Variants in FRMD3 observed in about 807,000 individuals in gnomAD.
The protein encoded by FRMD3 is FERM domain containing 3.
In FRMD3, 33 loss-of-function variants were observed where a neutral mutation model predicts 70.2. The ratio of observed to expected loss-of-function variants is 0.47; its 90% confidence interval spans 0.36 to 0.63. The LOEUF is 0.63. Among genes scored for constraint, FRMD3 ranks in the 20% least tolerant of loss-of-function variants. The pLI, the probability that FRMD3 is intolerant of heterozygous loss-of-function variation, is 0.00. For synonymous variants in FRMD3, 279 were observed against 255.9 expected (o/e 1.09, Z -0.86); for missense variants, 632 against 711.4 (o/e 0.89, Z 1.27).
intron 5 of FRMD3, among the ~76,000 whole-genome samples, chr9:83,339,235 A>C (rs1823677742): frequency 6.6e-6 from 1 of 152,212 alleles, no homozygotes; most frequent in Admixed American, 6.5e-5. Context: ...TCCCCATCAC[A>C]GGCCCTGCTC....
intron 1 of FRMD3, among the ~76,000 whole-genome samples, chr9:83,395,157 TTAA>T (rs1825777165): frequency 6.6e-6 from 1 of 152,012 alleles, no homozygotes; most frequent in Admixed American, 6.6e-5. Context: ...GATGTCATTA[TTAA>T]TAATATTAAG....
intron 1 of FRMD3, among the ~76,000 whole-genome samples, chr9:83,430,196 G>A (rs181996351): frequency 1.3e-5 from 2 of 152,222 alleles, no homozygotes; most frequent in African/African-American, 4.8e-5. Flanking sequence ...CCCTGCTCCT[G>A]TATCTCTTCC....
Position 83,530,918 on chromosome 9 carries a change from T to G in FRMD3, c.147+7167A>C, listed in dbSNP as rs1829779677. On this transcript the variant is annotated intron_variant, in intron 1 of 13. Coordinates refer to ENST00000304195, the MANE Select transcript of FRMD3 (RefSeq NM_174938.6). ...ACCACAGGGGAAGTTGATCCCACCC[T>G]GAGTCCCAGGGTCAAGCTCTGCACC... Among the ~76,000 whole-genome samples the G allele has an allele frequency of 2.0e-5, 3 of 152,286 alleles. No homozygotes were observed. In the South Asian group the frequency reaches 6.2e-4, roughly 32 times the overall value.
intron 1 of FRMD3, among the ~76,000 whole-genome samples, chr9:83,525,274 T>C (rs1363888651): frequency 1.3e-5 from 2 of 152,180 alleles, no homozygotes; most frequent in Admixed American, 1.3e-4. Flanking sequence ...TACAGAATAA[T>C]CATATTTCAA....
intron 5 of FRMD3, among the ~76,000 whole-genome samples, chr9:83,336,846 G>A (rs1823597519): frequency 6.6e-6 from 1 of 151,534 alleles, no homozygotes; most frequent in Non-Finnish European, 1.5e-5. Context: ...CTGAAAGACT[G>A]CACCACTGAT....
intron 13 of FRMD3, among the ~76,000 whole-genome samples, chr9:83,269,088 C>T (rs1043765492): frequency 1.3e-5 from 2 of 152,216 alleles, no homozygotes; most frequent in Non-Finnish European, 2.9e-5. Flanking sequence ...CTGAAAATCA[C>T]TGTTCACAAT....
At chr9:83,494,060 C>T (rs1248610109) in intron 1 of FRMD3, among the ~76,000 whole-genome samples, 1 of 152,220 alleles carries the variant, frequency 6.6e-6, no homozygotes, top group African/African-American at 2.4e-5. Context: ...AACCAAATAG[C>T]CACTATCCTA....
chr9:83,467,752 G>A, intron 1 of FRMD3: 1 of 1,503,886 alleles, frequency 6.6e-7, no homozygotes, highest in Non-Finnish European at 8.9e-7. Flanking sequence ...TCCAATCTAA[G>A]CTCGCTGCAG....
At chr9:83,410,313 C>G (rs1007945377) in intron 1 of FRMD3, among the ~76,000 whole-genome samples, 1 of 152,138 alleles carries the variant, frequency 6.6e-6, no homozygotes, top group African/African-American at 2.4e-5. Flanking sequence ...CTCCCTCCCC[C>G]ACAGTAGTCC....
chr9:83,485,264 G>A (rs1296733054), intron 1 of FRMD3, among the ~76,000 whole-genome samples: 1 of 152,172 alleles, frequency 6.6e-6, no homozygotes, highest in Non-Finnish European at 1.5e-5. Context: ...TCAGTAATTT[G>A]ATGTGGAAAA....
At chr9:83,338,574 C>T (rs1385751611) in intron 5 of FRMD3, among the ~76,000 whole-genome samples, 1 of 152,036 alleles carries the variant, frequency 6.6e-6, no homozygotes, top group Non-Finnish European at 1.5e-5. Flanking sequence ...TGTACGTATG[C>T]AATATGGACA....
chr9:83,268,647 C>T (rs1245361305), intron 13 of FRMD3, among the ~76,000 whole-genome samples: 1 of 152,108 alleles, frequency 6.6e-6, no homozygotes, highest in African/African-American at 2.4e-5. Context: ...GGTGTGGCAT[C>T]GACTATGTAA....
At chr9:83,274,437 T>C (rs1207002255) in intron 13 of FRMD3, among the ~76,000 whole-genome samples, 1 of 152,170 alleles carries the variant, frequency 6.6e-6, no homozygotes, top group African/African-American at 2.4e-5. Context: ...AAACTATTAA[T>C]GCCATGTCAT....
intron 1 of FRMD3, among the ~76,000 whole-genome samples, chr9:83,420,873 A>G (rs1051337931): frequency 9.9e-5 from 15 of 151,710 alleles, no homozygotes; most frequent in Non-Finnish European, 1.9e-4. Context: ...CCTCACCAGA[A>G]GCAAATACTG....
At chr9:83,436,779 G>A (rs1400768662) in intron 1 of FRMD3, among the ~76,000 whole-genome samples, 2 of 72,050 alleles carry the variant, frequency 2.8e-5, no homozygotes, top group African/African-American at 1.1e-4. Context: ...CTGGACCAAG[G>A]GGAAAAAAAA....
At chr9:83,322,574 C>A (rs998285613) in intron 6 of FRMD3, among the ~76,000 whole-genome samples, 1 of 152,206 alleles carries the variant, frequency 6.6e-6, no homozygotes, top group African/African-American at 2.4e-5. Context: ...GCAGAGGCCA[C>A]TGTAGGCTTG....
Position 83,309,542 on chromosome 9 carries a change from A to G in FRMD3, c.920T>C (p.Phe307Ser). Residue 307 changes from phenylalanine (F) to serine (S), a missense_variant, in exon 10 of 14, where the codon TTT (phenylalanine) becomes TCT (serine). Physicochemically the swap from Phe to Ser is radical, Grantham distance 155. Coordinates refer to ENST00000304195, the MANE Select transcript of FRMD3 (RefSeq NM_174938.6). ...LWKCGVENQAFYKYAKSSQIK... is the reference protein window; with the variant it reads ...LWKCGVENQASYKYAKSSQIK... Reference sequence around the variant, plus strand: ...ATGAATAAAAGCCACTTACTTATAAAAGGCCTGGTTTTCCACTCCACACTT... The same window carrying G: ...ATGAATAAAAGCCACTTACTTATAAGAGGCCTGGTTTTCCACTCCACACTT... 1 of 1,579,232 alleles carries G rather than the reference A, an allele frequency of 6.3e-7. No homozygotes were observed. The highest frequency in any genetic ancestry group is 1.2e-5 in the South Asian group (1 of 82,916).
chr9:83,375,770 T>C (rs1171319735), intron 2 of FRMD3, among the ~76,000 whole-genome samples: 1 of 152,166 alleles, frequency 6.6e-6, no homozygotes, highest in Non-Finnish European at 1.5e-5. Flanking sequence ...TAATGGGAAC[T>C]AGGCTTAATA....
At chr9:83,430,061 A>C (rs114400933) in intron 1 of FRMD3, among the ~76,000 whole-genome samples, 1,651 of 152,292 alleles carry the variant, frequency 0.011, 31 homozygotes, top group African/African-American at 0.038. Flanking sequence ...CACTTACTAA[A>C]GGCTGTCTTA....
Sources: allele counts gnomAD v4.1 joint callset (sites outside exome capture counted in the v4.1 genomes callset), GRCh38; gene constraint gnomAD v4.1.1; transcripts MANE v1.5; gene names NCBI Gene and HGNC (gene_info 2026-07-23, HGNC 2026-07-21).